The following GRIN3B variants were observed in gnomAD, a reference collection of about 807,000 sequenced individuals.
The protein encoded by GRIN3B is glutamate ionotropic receptor NMDA type subunit 3B, also known as glutamate receptor ionotropic, NMDA 3B.
A neutral mutation model predicts 66.0 loss-of-function variants in GRIN3B; 77 were observed. The observed-to-expected ratio is 1.17, with a 90% CI of 0.97 to 1.41. The LOEUF is 1.41. Ranked by LOEUF, GRIN3B falls within the 40% of genes most tolerant of loss-of-function variation. The pLI is 0.00. For synonymous variants in GRIN3B, 823 were observed against 749.7 expected (o/e 1.10, Z -1.60); for missense variants, 1,787 against 1,564.5 (o/e 1.14, Z -2.40).
chr19:1,005,348 A>ATTC lies in GRIN3B; in HGVS notation c.1847_1848insTTC (p.Ser618dup). On this transcript the variant is annotated inframe_insertion, in exon 3 of 9. Transcript: ENST00000234389. This position sits in a 1 kb window ranked among gnomAD's most constrained non-coding sequence, Gnocchi z 5.2. ...CGCAACCGCAGCACCGTCTTCTCCT[A>ATTC]CTCCTCAGCCCTCAACCTGTGCTAC... 3 of 1,613,350 alleles carry ATTC rather than the reference A, an allele frequency of 1.9e-6. No individual in the cohort carries two copies. The highest frequency in any genetic ancestry group is 2.5e-6 in the Non-Finnish European group (3 of 1,179,884).
rs2038740975 is a variant in GRIN3B, at chr19:1,005,612, G to A, written c.2052+59G>A. 1 of 1,357,380 alleles carries A rather than the reference G, an allele frequency of 7.4e-7. No homozygotes were observed. The highest frequency in any genetic ancestry group is 9.9e-7 in the Non-Finnish European group (1 of 1,006,912). 84.1% of individuals were successfully genotyped at this position (1,357,380 alleles called of 1,614,324 possible). A position where few individuals can be genotyped will look rare whatever the true frequency, so the allele number is the denominator to read the frequency against. On this transcript the variant is annotated intron_variant, in intron 3 of 8. Coordinates refer to ENST00000234389, the MANE Select transcript of GRIN3B (RefSeq NM_138690.3). This position sits in a 1 kb window ranked among gnomAD's most constrained non-coding sequence, Gnocchi z 5.2. ...GGGGGCTAGCGGTGGCCCCGGGCTGGGCTGTGTGGGGCAGGGGTGGTCAGC... is the reference window on the plus strand; with the variant it reads ...GGGGGCTAGCGGTGGCCCCGGGCTGAGCTGTGTGGGGCAGGGGTGGTCAGC...
chr19:1,009,288 C>T lies in GRIN3B; in HGVS notation c.2818C>T (p.Pro940Ser), dbSNP rs1176868934. ...GCGCCGCGTGCGCTTCCTGCTGGAGCCCGCCGTGGTTGTGGCACCCGAAGC... is the reference window on the plus strand; with the variant it reads ...GCGCCGCGTGCGCTTCCTGCTGGAGTCCGCCGTGGTTGTGGCACCCGAAGC... ...KERRVRFLLE[P>S]AVVVAPEADA... The change falls in exon 9 of 9, where the codon CCC becomes TCC. Residue 940 changes from proline (P) to serine (S), a missense_variant. Transcript: ENST00000234389. The T allele has an allele frequency of 1.4e-6, 2 of 1,410,704 alleles. No homozygotes were observed. The highest frequency in any genetic ancestry group is 1.8e-6 in the Non-Finnish European group (2 of 1,092,880). The allele number at this position is 1,410,704 out of a possible 1,614,324, so 87.4% of individuals were successfully genotyped here.
Position 1,007,502 on chromosome 19 carries a change from A to T in GRIN3B, c.2053-126A>T. The T allele has an allele frequency of 8.9e-7, 1 of 1,118,318 alleles. No homozygotes were observed. The highest frequency in any genetic ancestry group is 1.2e-6 in the Non-Finnish European group (1 of 852,334). 69.3% of individuals were successfully genotyped at this position (1,118,318 alleles called of 1,614,324 possible). A position where few individuals can be genotyped will look rare whatever the true frequency, so the allele number is the denominator to read the frequency against. On this transcript the variant is annotated intron_variant, in intron 3 of 8. Transcript: ENST00000234389. This position sits in a 1 kb window ranked among gnomAD's most constrained non-coding sequence, Gnocchi z 4.4. ...TGTGCTCTGGGCATGGAGTGGGTGG[A>T]GGCCAGGAATGCAGCCTCGGCGCCC... is the stretch of plus-strand genomic sequence containing the variant.
At chr19:1,006,877 G>A (rs2038754727) in intron 3 of GRIN3B, among the ~76,000 whole-genome samples, 2 of 152,200 alleles carry the variant, frequency 1.3e-5, no homozygotes, top group South Asian at 4.1e-4. Context: ...CAGGCACGAT[G>A]GGATTCAAGT....
chr19:1,005,482 A>G lies in GRIN3B; in HGVS notation c.1981A>G (p.Thr661Ala), dbSNP rs1255015031. Residue 661 changes from threonine (T) to alanine (A), a missense_variant, in exon 3 of 9, where the codon ACG (threonine) becomes GCG (alanine). Transcript: ENST00000234389. The surrounding 1 kb of genome is among the most constrained non-coding windows in gnomAD (Gnocchi z 5.2). Reference sequence around the variant, plus strand: ...CTGCCTGCTGGTGCTGTCCAGCTACACGGCCAACCTGGCTGCCGTCATGGT... The same window carrying G: ...CTGCCTGCTGGTGCTGTCCAGCTACGCGGCCAACCTGGCTGCCGTCATGGT... ...IFCLLVLSSY[T>A]ANLAAVMVGD... The G allele has an allele frequency of 1.9e-6, 3 of 1,613,212 alleles. No individual in the cohort carries two copies. In the African/African-American group the frequency reaches 4.0e-5, roughly 22 times the overall value.
Position 1,000,437 on chromosome 19 carries a change from G to A in GRIN3B, c.-1G>A. On this transcript the variant is annotated 5_prime_UTR_variant, in exon 1 of 9. Transcript: ENST00000234389. Reference sequence around the variant, plus strand: ...TGGCGAGCGACGCCGACAACTTTGCGATGGAGTTTGTGCGGGCGCTGTGGC... The same window carrying A: ...TGGCGAGCGACGCCGACAACTTTGCAATGGAGTTTGTGCGGGCGCTGTGGC... 1 of 1,214,364 alleles carries A rather than the reference G, an allele frequency of 8.2e-7. No homozygotes were observed. Among genetic ancestry groups the A allele is most frequent in the Non-Finnish European group, 1.0e-6 (1 of 975,156 alleles). The allele number at this position is 1,214,364 out of a possible 1,614,324, so 75.2% of individuals were successfully genotyped here.
chr19:1,007,950 G>A lies in GRIN3B; in HGVS notation c.2293G>A (p.Gly765Arg). 6.2e-7 allele frequency: 1 copy of A among 1,612,174 alleles called. No individual in the cohort carries two copies. The highest frequency in any genetic ancestry group is 8.5e-7 in the Non-Finnish European group (1 of 1,179,686). ...IDADCKLLTVGKPFAIEGYGI... is the reference protein window; with the variant it reads ...IDADCKLLTVRKPFAIEGYGI... Reference sequence around the variant, plus strand: ...CGCCGACTGCAAACTGCTGACCGTGGGAAAGCCCTTCGCCATTGAGGGTGA... The same window carrying A: ...CGCCGACTGCAAACTGCTGACCGTGAGAAAGCCCTTCGCCATTGAGGGTGA... The change falls in exon 5 of 9, where the codon GGA (glycine) becomes AGA (arginine). Residue 765 changes from glycine (G) to arginine (R), a missense_variant. Transcript: ENST00000234389. The surrounding 1 kb of genome is among the most constrained non-coding windows in gnomAD (Gnocchi z 4.4).
chr19:1,008,863 C>A lies in GRIN3B; in HGVS notation c.2638C>A (p.His880Asn). The change falls in exon 8 of 9, where the codon CAC becomes AAC. Residue 880 changes from histidine to asparagine, a missense_variant. By Grantham distance (68) the His-to-Asn change is moderately conservative. Transcript: ENST00000234389. ...GGTCTGTCTGGGGTCTTAGAAAATC[C>A]ACCGCGCCCTCAACACGGAGCCACC... is the stretch of plus-strand genomic sequence containing the variant. ...QYWLHTSQKI[H>N]RALNTEPPEG... The A allele has an allele frequency of 6.2e-7, 1 of 1,608,496 alleles. No individual in the cohort carries two copies. The highest frequency in any genetic ancestry group is 8.5e-7 in the Non-Finnish European group (1 of 1,177,778).
chr19:1,004,833 G>GTGCC lies in GRIN3B; in HGVS notation c.1335_1338dup (p.Asp447ProfsTer37). 19 of 1,612,530 alleles carry GTGCC rather than the reference G, an allele frequency of 1.2e-5. No individual in the cohort carries two copies. The highest frequency in any genetic ancestry group is 1.6e-5 in the Non-Finnish European group (19 of 1,179,454). ...ACGGGCAGTGCCCAGCGGGGCAGCT[G>GTGCC]TGCCTGGACCCTGGCACCAACGACT... On this transcript the variant is annotated frameshift_variant, in exon 3 of 9. Transcript: ENST00000234389. LOFTEE classifies it high-confidence loss of function.
intron 1 of GRIN3B, chr19:1,002,872 T>C: frequency 5.3e-6 from 2 of 378,712 alleles, no homozygotes. Flanking sequence ...GAATGGCACA[T>C]GCAAAAAAAA....
rs757360523 is a variant in GRIN3B, at chr19:1,003,348, G to A, written c.645G>A (p.Leu215=). ...GGCGGGACACGGGAGATGCAGGACTGCGGGCACGCCTGGCCCCGATGGCGG... is the reference window on the plus strand; with the variant it reads ...GGCGGGACACGGGAGATGCAGGACTACGGGCACGCCTGGCCCCGATGGCGG... ...LSRRDTGDAG[L]RARLAPMAAP... Residue 215 remains leucine (L), a synonymous_variant, in exon 2 of 9, where the codon CTG becomes CTA. Coordinates refer to ENST00000234389, the MANE Select transcript of GRIN3B (RefSeq NM_138690.3). The A allele has an allele frequency of 4.4e-6, 7 of 1,579,864 alleles. No individual in the cohort carries two copies. In the Admixed American group the frequency reaches 5.4e-5, roughly 12 times the overall value.
Position 1,007,121 on chromosome 19 carries a change from A to T in GRIN3B, c.2053-507A>T, listed in dbSNP as rs1275847523. On this transcript the variant is annotated intron_variant, in intron 3 of 8. Coordinates refer to ENST00000234389, the MANE Select transcript of GRIN3B (RefSeq NM_138690.3). This position sits in a 1 kb window ranked among gnomAD's most constrained non-coding sequence, Gnocchi z 4.4. ...GCCCCAACCTGGGTAGGAGCTGTGG[A>T]GGGGTGAGCAGTGGGCAGTTCCCTG... Among the ~76,000 whole-genome samples, 1 of 152,052 alleles carries T rather than the reference A, an allele frequency of 6.6e-6. No individual in the cohort carries two copies. The highest frequency in any genetic ancestry group is 1.5e-5 in the Non-Finnish European group (1 of 67,990).
In GRIN3B at chr19:1,008,227, ACCTGCT is replaced by A; in HGVS notation, c.2405_2410del (p.Leu802_Leu803del). 6.3e-7 allele frequency: 1 copy of A among 1,592,976 alleles called. No individual in the cohort carries two copies. Among genetic ancestry groups the A allele is most frequent in the Non-Finnish European group, 8.6e-7 (1 of 1,168,570 alleles). On this transcript the variant is annotated inframe_deletion, in exon 6 of 9. Transcript: ENST00000234389. ...CGCTACAAGTCCTCCGGCTTCATCG[ACCTGCT>A]CCACGACAAGTGGTACAAGATGGTG...
chr19:1,008,748 G>C lies in GRIN3B; in HGVS notation c.2597G>C (p.Gly866Ala). The C allele has an allele frequency of 6.2e-7, 1 of 1,606,780 alleles. No individual in the cohort carries two copies. The highest frequency in any genetic ancestry group is 8.5e-7 in the Non-Finnish European group (1 of 1,177,288). Residue 866 changes from glycine to alanine, a missense_variant, in exon 7 of 9, where the codon GGG becomes GCG. Coordinates refer to ENST00000234389, the MANE Select transcript of GRIN3B (RefSeq NM_138690.3). ...CTGGCGCTGCCGCGCATCCGCAAGG[G>C]GAGCAGGCTGCAGTACTGGCTGCAC... ...FRLALPRIRK[G>A]SRLQYWLHTS... is the part of the protein sequence containing the mutation.
chr19:1,002,190 G>A (rs2285904), intron 1 of GRIN3B: 12,300 of 152,056 alleles, frequency 0.081, 653 homozygotes, highest in East Asian at 0.13. Flanking sequence ...TTAACTGGGC[G>A]TGGTGGTGGG....
rs557021822 is a variant in GRIN3B at position 1,009,478 on chromosome 19, G to A, written c.3008G>A (p.Arg1003Gln). The change falls in exon 9 of 9, where the codon CGG becomes CAG. Residue 1003 changes from arginine to glutamine, a missense_variant. By Grantham distance (43) the Arg-to-Gln change is conservative. Transcript: ENST00000234389. ...ARERLRQALVRRGQLLAQLGD... is the reference protein window; with the variant it reads ...ARERLRQALVQRGQLLAQLGD... ...GAGCGGCTCCGCCAGGCCCTGGTGCGGCGCGGCCAGCTCCTGGCACAGCTC... is the reference window on the plus strand; with the variant it reads ...GAGCGGCTCCGCCAGGCCCTGGTGCAGCGCGGCCAGCTCCTGGCACAGCTC... 33 of 1,488,242 alleles carry A rather than the reference G, an allele frequency of 2.2e-5. No homozygotes were observed. Among genetic ancestry groups the A allele is most frequent in the Non-Finnish European group, 2.5e-5 (28 of 1,125,876 alleles). The allele number at this position is 1,488,242 out of a possible 1,614,324, so 92.2% of individuals were successfully genotyped here.
rs771092149 is a variant in GRIN3B at position 1,003,639 on chromosome 19, G to A, written c.936G>A (p.Pro312=). The A allele has an allele frequency of 2.9e-4, 417 of 1,420,416 alleles. 1 individual carries two copies. Among genetic ancestry groups the A allele is most frequent in the Middle Eastern group, 4.1e-4 (2 of 4,838 alleles). The allele number at this position is 1,420,416 out of a possible 1,614,324, so 88.0% of individuals were successfully genotyped here. A position where few individuals can be genotyped will look rare whatever the true frequency, so the allele number is the denominator to read the frequency against. ...TGGGCAGTGCGGCCCAGGTGCAGCC[G>A]AAGCGAGCCCTCCTCCCCGCCCCGG... ...RALGSAAQVQ[P]KRALLPAPVN... Residue 312 remains proline, a synonymous_variant, in exon 2 of 9, where the codon CCG becomes CCA. Coordinates refer to ENST00000234389, the MANE Select transcript of GRIN3B (RefSeq NM_138690.3).
At position 1,004,832 on chromosome 19, in the gene GRIN3B, T is replaced by C. The variant is rs1335490154; in HGVS notation, c.1331T>C (p.Leu444Pro). ...GACGGGCAGTGCCCAGCGGGGCAGCTGTGCCTGGACCCTGGCACCAACGAC... is the reference window on the plus strand; with the variant it reads ...GACGGGCAGTGCCCAGCGGGGCAGCCGTGCCTGGACCCTGGCACCAACGAC... ...DEDGQCPAGQ[L>P]CLDPGTNDSA... The change falls in exon 3 of 9, where the codon CTG (leucine) becomes CCG (proline). Residue 444 changes from leucine (L) to proline (P), a missense_variant. Leu to Pro is a moderately conservative substitution (Grantham distance 98). Coordinates refer to ENST00000234389, the MANE Select transcript of GRIN3B (RefSeq NM_138690.3). 1 of 1,612,566 alleles carries C rather than the reference T, an allele frequency of 6.2e-7. No individual in the cohort carries two copies. The highest frequency in any genetic ancestry group is 8.5e-7 in the Non-Finnish European group (1 of 1,179,488).
At chr19:1,004,463 T>G (rs1250174429) in intron 2 of GRIN3B, 58 bp from the exon 3 acceptor site, 32 of 1,430,618 alleles carry the variant, frequency 2.2e-5, no homozygotes, top group African/African-American at 2.8e-5. Flanking sequence ...TGGGCAGGGG[T>G]GAGAGGATGG....
Sources: gnomAD v4.1 joint callset for allele counts (sites outside exome capture counted in the v4.1 genomes callset) on GRCh38, gnomAD v4.1.1 for gene constraint, Gnocchi (gnomAD v3.1) non-coding constraint, MANE v1.5 for transcripts, NCBI Gene and HGNC (gene_info 2026-07-23, HGNC 2026-07-21) for gene names.